The following SLC25A21 variants were observed in gnomAD, a reference collection of about 807,000 sequenced individuals.
The protein encoded by SLC25A21 is solute carrier family 25 member 21.
A neutral mutation model predicts 43.8 loss-of-function variants in SLC25A21; 47 were observed. The ratio of observed to expected loss-of-function variants is 1.07; its 90% CI spans 0.85 to 1.37. SLC25A21 has a LOEUF of 1.37. SLC25A21 is among the 40% of genes most tolerant of loss of function. The pLI is 0.00. For missense variants in SLC25A21, 352 were observed against 350.2 expected (o/e 1.00, Z -0.04); for synonymous variants, 131 against 121.3 (o/e 1.08, Z -0.52).
intron 1 of SLC25A21, among the ~76,000 whole-genome samples, chr14:37,118,563 G>A (rs1041737393): frequency 1.3e-5 from 2 of 152,190 alleles, no homozygotes; most frequent in African/African-American, 2.4e-5. Context: ...CAGTGGGTAA[G>A]AAGAACCCAT....
chr14:36,915,707 A>C (rs1399572102), intron 1 of SLC25A21, among the ~76,000 whole-genome samples: 1 of 152,132 alleles, frequency 6.6e-6, no homozygotes, highest in African/African-American at 2.4e-5. Flanking sequence ...TCACACTTTC[A>C]GGCAATAGAT....
At chr14:37,092,578 T>G (rs1962609453) in intron 1 of SLC25A21, among the ~76,000 whole-genome samples, 1 of 152,154 alleles carries the variant, frequency 6.6e-6, no homozygotes, top group Non-Finnish European at 1.5e-5. Context: ...CCTATGACTC[T>G]GTCTGGGCTA....
intron 3 of SLC25A21, among the ~76,000 whole-genome samples, chr14:36,765,656 C>G (rs1250211649): frequency 6.6e-6 from 1 of 152,206 alleles, no homozygotes; most frequent in Non-Finnish European, 1.5e-5. Flanking sequence ...AGGTTCCACA[C>G]TGTACTGTCT....
At position 36,725,798 on chromosome 14, in the gene SLC25A21, G is replaced by A. The variant is rs549665858; in HGVS notation, c.331-121C>T. The A allele has an allele frequency of 8.2e-5, 37 of 451,260 alleles. No individual in the cohort carries two copies. The South Asian group carries it at 1.9e-3, about 23-fold the overall frequency. The allele number at this position is 451,260 out of a possible 1,614,324, so 28.0% of individuals were successfully genotyped here. ...AGAGAATGGAGAAACCTACATAAAC[G>A]CACCATATTCCATTACTAAACAGCT... is the stretch of plus-strand genomic sequence containing the variant. On this transcript the variant is annotated intron_variant, in intron 5 of 9. Coordinates refer to ENST00000331299, the MANE Select transcript of SLC25A21 (RefSeq NM_030631.4).
chr14:36,952,542 C>A (rs1420303743), intron 1 of SLC25A21, among the ~76,000 whole-genome samples: 1 of 151,996 alleles, frequency 6.6e-6, no homozygotes, highest in Non-Finnish European at 1.5e-5. Flanking sequence ...TAAATGGTCA[C>A]TAAATGTAGG....
At chr14:37,159,637 T>C (rs1264130145) in intron 1 of SLC25A21, among the ~76,000 whole-genome samples, 1 of 152,112 alleles carries the variant, frequency 6.6e-6, no homozygotes, top group African/African-American at 2.4e-5. Flanking sequence ...GAAGAAAACC[T>C]AGGGAAAACT....
chr14:37,034,329 T>C (rs1347747855), intron 1 of SLC25A21, among the ~76,000 whole-genome samples: 1 of 152,188 alleles, frequency 6.6e-6, no homozygotes, highest in African/African-American at 2.4e-5. Flanking sequence ...TATTTTATAA[T>C]TTATTAGAGA....
chr14:36,928,139 C>G (rs570484718), intron 1 of SLC25A21, among the ~76,000 whole-genome samples: 2 of 152,200 alleles, frequency 1.3e-5, no homozygotes, highest in East Asian at 3.9e-4. Context: ...AGAGGTCCCC[C>G]CTCCTTCATA....
At chr14:37,134,315 CTA>C (rs1190496514) in intron 1 of SLC25A21, among the ~76,000 whole-genome samples, 3 of 152,142 alleles carry the variant, frequency 2.0e-5, no homozygotes, top group Non-Finnish European at 4.4e-5. Flanking sequence ...TATGTAGAAA[CTA>C]TGTGAAAATT....
rs1388588939 is a variant in SLC25A21, at chr14:37,166,026, G to T, written c.70+6255C>A. 2.0e-5 allele frequency among the ~76,000 whole-genome samples: 3 copies of T among 152,254 alleles called. No individual in the cohort carries two copies. The East Asian group carries it at 5.8e-4, about 29-fold the overall frequency. Reference sequence around the variant, plus strand: ...GATCTTGGGATCCCTAACATGTTTAGGGGAATTCTGTCAGACCTTATGTCA... The same window carrying T: ...GATCTTGGGATCCCTAACATGTTTATGGGAATTCTGTCAGACCTTATGTCA... On this transcript the variant is annotated intron_variant, in intron 1 of 9. Coordinates refer to ENST00000331299, the MANE Select transcript of SLC25A21 (RefSeq NM_030631.4).
At chr14:37,092,387 G>A (rs1433083515) in intron 1 of SLC25A21, among the ~76,000 whole-genome samples, 2 of 152,202 alleles carry the variant, frequency 1.3e-5, no homozygotes, top group African/African-American at 2.4e-5. Context: ...TTGGATTACT[G>A]TTATTTGCTG....
chr14:36,753,777 G>C (rs1885805839), intron 3 of SLC25A21, among the ~76,000 whole-genome samples: 1 of 152,098 alleles, frequency 6.6e-6, no homozygotes, highest in Admixed American at 6.6e-5. Context: ...CAGCTCTTTA[G>C]TCCTCTCCTC....
At chr14:36,725,222 C>T (rs1292720163) in intron 6 of SLC25A21, 1 of 153,630 alleles carries the variant, frequency 6.5e-6, no homozygotes, top group Admixed American at 6.5e-5. Flanking sequence ...GCCTGCAATC[C>T]CAGCACTCTG....
intron 1 of SLC25A21, among the ~76,000 whole-genome samples, chr14:37,042,564 A>T (rs1566837311): frequency 6.6e-6 from 1 of 152,232 alleles, no homozygotes. Flanking sequence ...TGATTTAAAA[A>T]TTTAATATGT....
chr14:36,810,881 A>AAG (rs1555329731), intron 3 of SLC25A21, among the ~76,000 whole-genome samples: 1 of 94,696 alleles, frequency 1.1e-5, no homozygotes, highest in African/African-American at 3.3e-5. Context: ...GTAGAGAAAG[A>AAG]AAAGAGTGGG....
At chr14:36,905,215 C>A (rs147547019) in intron 1 of SLC25A21, among the ~76,000 whole-genome samples, 1 of 152,268 alleles carries the variant, frequency 6.6e-6, no homozygotes, top group African/African-American at 2.4e-5. Flanking sequence ...ATGGTAAATG[C>A]TTCAGCAAAA....
chr14:36,935,424 T>C (rs1892397073), intron 1 of SLC25A21, among the ~76,000 whole-genome samples: 1 of 152,182 alleles, frequency 6.6e-6, no homozygotes, highest in Non-Finnish European at 1.5e-5. Context: ...CCAAGGACTA[T>C]GCAAGTTGAG....
At chr14:37,128,953 G>A (rs1021577597) in intron 1 of SLC25A21, among the ~76,000 whole-genome samples, 20 of 152,110 alleles carry the variant, frequency 1.3e-4, no homozygotes, top group Admixed American at 9.8e-4. Flanking sequence ...TACAGTAAAA[G>A]CATTAGCCAC....
chr14:37,011,536 A>G (rs773760774), intron 1 of SLC25A21, among the ~76,000 whole-genome samples: 7 of 152,220 alleles, frequency 4.6e-5, no homozygotes, highest in Non-Finnish European at 8.8e-5. Flanking sequence ...CTGGGAGGCA[A>G]TACAGCAGCA....
Sources: allele counts gnomAD v4.1 joint callset (sites outside exome capture counted in the v4.1 genomes callset), GRCh38; gene constraint gnomAD v4.1.1; transcripts MANE v1.5; gene names NCBI Gene and HGNC (gene_info 2026-07-23, HGNC 2026-07-21).